SPOCK1: variants seen among roughly 807,000 people sequenced by gnomAD.
SPOCK1 encodes the protein SPARC (osteonectin), cwcv and kazal like domains proteoglycan 1.
SPOCK1 carries 23 observed loss-of-function variants against 55.3 expected under a neutral mutation model. The ratio of observed to expected loss-of-function variants is 0.42; its 90% confidence interval spans 0.30 to 0.59. The LOEUF is 0.59. Among genes scored for constraint, SPOCK1 ranks in the 20% least tolerant of loss-of-function variants. SPOCK1 has a pLI of 0.22. For missense variants in SPOCK1, 499 were observed against 552.5 expected (o/e 0.90, Z 0.97); for synonymous variants, 226 against 221.0 (o/e 1.02, Z -0.20).
chr5:137,313,249 C>G lies in SPOCK1; in HGVS notation c.187-46194G>C, dbSNP rs146876097. 3.6e-3 allele frequency among the ~76,000 whole-genome samples: 542 copies of G among 152,328 alleles called. 6 individuals are homozygous for G. The highest frequency in any genetic ancestry group is 0.013 in the African/African-American group (523 of 41,574). On this transcript the variant is annotated intron_variant, in intron 2 of 10. Transcript: ENST00000394945. ...AAAGCATTATACTTTTGGAGCAACA[C>G]ATAAGCCAGTCCCTGCTATACTCAT...
chr5:137,251,311 T>G (rs1415556962), intron 3 of SPOCK1, among the ~76,000 whole-genome samples: 1 of 152,188 alleles, frequency 6.6e-6, no homozygotes, highest in African/African-American at 2.4e-5. Flanking sequence ...ACTATTTTCT[T>G]GTTGTGTTGC....
intron 2 of SPOCK1, among the ~76,000 whole-genome samples, chr5:137,495,319 A>C (rs1290266228): frequency 2.0e-5 from 3 of 152,218 alleles, no homozygotes; most frequent in Non-Finnish European, 4.4e-5. Context: ...CCCAGTAGTC[A>C]AGGGATATGG....
At chr5:137,161,130 C>T (rs1754550016) in intron 3 of SPOCK1, among the ~76,000 whole-genome samples, 2 of 144,632 alleles carry the variant, frequency 1.4e-5, no homozygotes, top group South Asian at 2.2e-4. Context: ...ATATAATATT[C>T]CTAGAGTATA....
chr5:137,265,774 T>C (rs1307941307), intron 3 of SPOCK1, among the ~76,000 whole-genome samples: 2 of 152,158 alleles, frequency 1.3e-5, no homozygotes, highest in Non-Finnish European at 2.9e-5. Flanking sequence ...TCTCCATCTG[T>C]AGATTCACAT....
intron 4 of SPOCK1, among the ~76,000 whole-genome samples, chr5:137,122,827 C>T (rs1452584786): frequency 6.6e-6 from 1 of 152,248 alleles, no homozygotes; most frequent in East Asian, 1.9e-4. Context: ...TTGGAAAACA[C>T]TTGCTTACAT....
At chr5:137,219,855 C>A (rs1288367617) in intron 3 of SPOCK1, among the ~76,000 whole-genome samples, 7 of 152,176 alleles carry the variant, frequency 4.6e-5, no homozygotes, top group Non-Finnish European at 1.0e-4. Context: ...TTTATAGGGC[C>A]TCCATGGTGT....
intron 3 of SPOCK1, among the ~76,000 whole-genome samples, chr5:137,212,188 T>C (rs1405176544): frequency 2.0e-5 from 3 of 152,134 alleles, no homozygotes; most frequent in Non-Finnish European, 2.9e-5. Flanking sequence ...AGTTAAACTG[T>C]AGGACATCCA....
chr5:137,373,469 C>G (rs1383477968), intron 2 of SPOCK1, among the ~76,000 whole-genome samples: 1 of 152,190 alleles, frequency 6.6e-6, no homozygotes, highest in East Asian at 1.9e-4. Flanking sequence ...CTGCAGCATC[C>G]CTGTAGAAGG....
chr5:137,357,092 T>C (rs763494263), intron 2 of SPOCK1, among the ~76,000 whole-genome samples: 45 of 151,744 alleles, frequency 3.0e-4, no homozygotes, highest in Non-Finnish European at 6.3e-4. Context: ...AGAACTGGTT[T>C]CTGCTCTCCC....
chr5:137,224,235 A>G (rs1755908491), intron 3 of SPOCK1, among the ~76,000 whole-genome samples: 1 of 152,236 alleles, frequency 6.6e-6, no homozygotes, highest in Admixed American at 6.5e-5. Flanking sequence ...CTACAAGCTT[A>G]TTAGGAAAGA....
chr5:137,031,829 C>T (rs934720492), intron 6 of SPOCK1, among the ~76,000 whole-genome samples: 67 of 151,966 alleles, frequency 4.4e-4, no homozygotes, highest in African/African-American at 1.6e-3. Context: ...GCGAAAATGA[C>T]AGTGGCAAGA....
At chr5:137,302,405 T>TA (rs1757613014) in intron 2 of SPOCK1, among the ~76,000 whole-genome samples, 1 of 45,806 alleles carries the variant, frequency 2.2e-5, no homozygotes. Flanking sequence ...CCGTCTCTAC[T>TA]AAAAATACAA....
intron 2 of SPOCK1, among the ~76,000 whole-genome samples, chr5:137,346,445 AAGGC>A (rs1750557601): frequency 6.6e-6 from 1 of 152,326 alleles, no homozygotes; most frequent in East Asian, 1.9e-4. Flanking sequence ...CCCAAGTCAA[AAGGC>A]AGGAAGTCAG....
intron 2 of SPOCK1, among the ~76,000 whole-genome samples, chr5:137,331,020 A>G (rs1580870186): frequency 6.6e-6 from 1 of 152,320 alleles, no homozygotes; most frequent in East Asian, 1.9e-4. Flanking sequence ...TAATCAGCAA[A>G]TGGTGGTGGA....
At chr5:137,285,700 C>T (rs540578217) in intron 2 of SPOCK1, among the ~76,000 whole-genome samples, 23 of 152,266 alleles carry the variant, frequency 1.5e-4, no homozygotes, top group Middle Eastern at 3.4e-3. Flanking sequence ...TGAATAGATC[C>T]GCATTTCAGC....
At chr5:137,433,571 G>C (rs1421977200) in intron 2 of SPOCK1, among the ~76,000 whole-genome samples, 2 of 152,170 alleles carry the variant, frequency 1.3e-5, no homozygotes, top group African/African-American at 2.4e-5. Flanking sequence ...CCTCTTTCAT[G>C]TCACTATTGT....
chr5:136,999,514 C>T (rs1250989693), intron 6 of SPOCK1, among the ~76,000 whole-genome samples: 1 of 152,102 alleles, frequency 6.6e-6, no homozygotes, highest in Non-Finnish European at 1.5e-5. Flanking sequence ...ATCCAAGCGT[C>T]TTTGAAAAAT....
At chr5:137,287,591 C>A (rs559132649) in intron 2 of SPOCK1, among the ~76,000 whole-genome samples, 1 of 152,334 alleles carries the variant, frequency 6.6e-6, no homozygotes, top group African/African-American at 2.4e-5. Flanking sequence ...TAATCTCCAA[C>A]TTTAAGGACA....
chr5:137,446,391 A>G (rs1753128236), intron 2 of SPOCK1, among the ~76,000 whole-genome samples: 1 of 152,186 alleles, frequency 6.6e-6, no homozygotes, highest in South Asian at 2.1e-4. Flanking sequence ...GAAACAGATT[A>G]TAGATGCTAA....
Sources: gnomAD v4.1 joint callset for allele counts (sites outside exome capture counted in the v4.1 genomes callset) on GRCh38, gnomAD v4.1.1 for gene constraint, MANE v1.5 for transcripts, NCBI Gene and HGNC (gene_info 2026-07-23, HGNC 2026-07-21) for gene names.